The following FSD2 variants were observed in gnomAD, a reference collection of about 807,000 sequenced individuals.
The protein encoded by FSD2 is fibronectin type III and SPRY domain-containing protein 2.
Under a neutral mutation model 80.4 loss-of-function variants are expected in FSD2, and 71 were observed. That is an observed-to-expected ratio of 0.88 (90% CI 0.73 to 1.08). The LOEUF is 1.08. FSD2 is among the 50% of genes least tolerant of loss of function. The pLI is 0.00. For synonymous variants in FSD2, 361 were observed against 329.5 expected, an observed-to-expected ratio of 1.10 and a Z score of -1.03; for missense variants, 923 against 913.8, an observed-to-expected ratio of 1.01 and a Z score of -0.13.
chr15:82,762,373 G>T, intron 11 of FSD2, 95 bp from the exon 12 acceptor site: 2 of 1,244,188 alleles, frequency 1.6e-6, no homozygotes, highest in Non-Finnish European at 1.1e-6. Context: ...GTCAGTCGGT[G>T]GTCTACGAAC....
Position 82,787,169 on chromosome 15 carries a change from A to C in FSD2, c.222T>G (p.Leu74=). ...CATCTTCAAGTCCATATAAGTGGAC[A>C]AGTTCATCCACTTCCTCTTGAAGGT... The part of the protein sequence containing the change: ...QRDLQEEVDE[L]VHLYGLEDDH... The change falls in exon 2 of 13, where the codon CTT becomes CTG. Residue 74 remains leucine (L), a synonymous_variant. Coordinates refer to ENST00000334574, the MANE Select transcript of FSD2 (RefSeq NM_001007122.4). The C allele has an allele frequency of 6.2e-7, 1 of 1,613,922 alleles. No homozygotes were observed. Among genetic ancestry groups the C allele is most frequent in the Non-Finnish European group, 8.5e-7 (1 of 1,179,812 alleles).
At chr15:82,771,423 A>T (rs1421912705) in intron 7 of FSD2, among the ~76,000 whole-genome samples, 1 of 151,874 alleles carries the variant, frequency 6.6e-6, no homozygotes, top group East Asian at 1.9e-4. Flanking sequence ...CTGTTGTCTG[A>T]CCCTCCCTCC....
chr15:82,768,750 G>A, intron 9 of FSD2, 130 bp downstream of exon 9: 1 of 862,676 alleles, frequency 1.2e-6, no homozygotes, highest in South Asian at 5.7e-5. Context: ...TGAACACTAA[G>A]CAACCAAAAA....
chr15:82,795,901 G>T (rs2050253577), intron 1 of FSD2, among the ~76,000 whole-genome samples: 2 of 151,888 alleles, frequency 1.3e-5, no homozygotes, highest in Admixed American at 6.6e-5. Context: ...GACACTAAAG[G>T]ATACTCTAAG....
chr15:82,781,876 GGTGAAACCCC>G (rs1757153496), intron 4 of FSD2, among the ~76,000 whole-genome samples: 1 of 149,242 alleles, frequency 6.7e-6, no homozygotes, highest in African/African-American at 2.5e-5. Context: ...TGACCAACAT[GGTGAAACCCC>G]GTCTCTACTA....
intron 3 of FSD2, among the ~76,000 whole-genome samples, chr15:82,783,823 A>G (rs1156944988): frequency 2.6e-5 from 4 of 152,230 alleles, no homozygotes; most frequent in Admixed American, 1.3e-4. Flanking sequence ...TAGGGGAGAA[A>G]TGAAGGCAAA....
At chr15:82,771,968 C>T in intron 7 of FSD2, 105 bp downstream of exon 7, 1 of 1,185,990 alleles carries the variant, frequency 8.4e-7, no homozygotes, top group Non-Finnish European at 1.1e-6. Context: ...CATGTCTAGA[C>T]CCATCCTGTC....
intron 1 of FSD2, among the ~76,000 whole-genome samples, chr15:82,792,359 G>C (rs1184705426): frequency 6.6e-6 from 1 of 152,234 alleles, no homozygotes; most frequent in Admixed American, 6.5e-5. Flanking sequence ...GCATGTCCCT[G>C]ATGAATAATG....
Position 82,755,865 on chromosome 15 carries a change from G to T in FSD2, c.*3483C>A, listed in dbSNP as rs867946829. 1.4e-5 allele frequency: 6 copies of T among 417,076 alleles called. No homozygotes were observed. Among genetic ancestry groups the T allele is most frequent in the African/African-American group, 1.0e-4 (5 of 49,146 alleles). The allele number at this position is 417,076 out of a possible 1,614,324, so 25.8% of individuals were successfully genotyped here. A position where few individuals can be genotyped will look rare whatever the true frequency, so the allele number is the denominator to read the frequency against. ...GTACAGAGTTAATCTCCTATAGCTT[G>T]AAGTTATACATGATCTTTATTTGAG... On this transcript the variant is annotated 3_prime_UTR_variant, in exon 13 of 13. Coordinates refer to ENST00000334574, the MANE Select transcript of FSD2 (RefSeq NM_001007122.4).
intron 1 of FSD2, among the ~76,000 whole-genome samples, chr15:82,793,668 ATC>A (rs931379205): frequency 7.2e-5 from 11 of 152,032 alleles, no homozygotes; most frequent in Non-Finnish European, 4.4e-5. Context: ...TATTAATTTA[ATC>A]TCTTTACTTA....
chr15:82,765,545 C>G (rs1248957004), intron 10 of FSD2, among the ~76,000 whole-genome samples: 1 of 152,122 alleles, frequency 6.6e-6, no homozygotes, highest in Non-Finnish European at 1.5e-5. Context: ...GATGAGGAAA[C>G]AGAGGCACAA....
At chr15:82,800,691 C>CAAAA (rs769762172) in intron 1 of FSD2, among the ~76,000 whole-genome samples, 1,699 of 47,764 alleles carry the variant, frequency 0.036, 192 homozygotes, top group African/African-American at 0.08. Context: ...GATTCTGTCT[C>CAAAA]AAAAAAAAAA....
intron 1 of FSD2, among the ~76,000 whole-genome samples, chr15:82,791,292 C>T (rs553390302): frequency 6.6e-6 from 1 of 152,304 alleles, no homozygotes; most frequent in South Asian, 2.1e-4. Context: ...GCCACCGCAC[C>T]CGGCAATTCA....
chr15:82,792,073 T>C (rs2050165435), intron 1 of FSD2, among the ~76,000 whole-genome samples: 1 of 152,224 alleles, frequency 6.6e-6, no homozygotes, highest in East Asian at 1.9e-4. Context: ...TTTGTACCAG[T>C]TTTTGTTTGA....
chr15:82,797,035 A>T (rs996078055), intron 1 of FSD2, among the ~76,000 whole-genome samples: 1 of 143,168 alleles, frequency 7.0e-6, no homozygotes, highest in Middle Eastern at 3.5e-3. Context: ...AAAAAAAAAA[A>T]AAAAAACACC....
At chr15:82,769,668 G>C in intron 8 of FSD2, 82 bp downstream of exon 8, 1 of 1,458,982 alleles carries the variant, frequency 6.9e-7, no homozygotes. Context: ...ATGAAATCAA[G>C]AGCCCTGCCA....
At chr15:82,783,891 G>T (rs1038735202) in intron 3 of FSD2, among the ~76,000 whole-genome samples, 1 of 152,184 alleles carries the variant, frequency 6.6e-6, no homozygotes, top group African/African-American at 2.4e-5. Context: ...ATGCAAGAGG[G>T]CAGAGGGAGG....
At chr15:82,766,755 AG>A (rs35681404) in intron 9 of FSD2, among the ~76,000 whole-genome samples, 5 of 149,714 alleles carry the variant, frequency 3.3e-5, no homozygotes, top group Admixed American at 2.0e-4. Flanking sequence ...AAAAAAAAAA[AG>A]GTCCTTGATT....
intron 1 of FSD2, among the ~76,000 whole-genome samples, chr15:82,791,961 C>T (rs1018960752): frequency 6.6e-6 from 1 of 152,148 alleles, no homozygotes; most frequent in Non-Finnish European, 1.5e-5. Context: ...ATGGATATGC[C>T]ATATTTTGTT....
Sources: gnomAD v4.1 joint callset for allele counts (sites outside exome capture counted in the v4.1 genomes callset) on GRCh38, gnomAD v4.1.1 for gene constraint, MANE v1.5 for transcripts, NCBI Gene and HGNC (gene_info 2026-07-23, HGNC 2026-07-21) for gene names.